Variants in PARD3B observed in about 807,000 individuals in gnomAD.
The protein encoded by PARD3B is partitioning defective 3 homolog B.
In PARD3B, 103 loss-of-function variants were observed where a neutral mutation model predicts 130.2. That is an observed-to-expected ratio of 0.79 (90% CI 0.67 to 0.93). PARD3B has a LOEUF of 0.93. Among genes scored for constraint, PARD3B ranks in the 40% least tolerant of loss-of-function variants. The pLI, the probability that PARD3B is intolerant of heterozygous loss-of-function variation, is 0.00. For synonymous variants in PARD3B, 583 were observed against 553.2 expected, an observed-to-expected ratio of 1.05 and a Z score of -0.76; for missense variants, 1,609 against 1,499.2, an observed-to-expected ratio of 1.07 and a Z score of -1.21.
intron 16 of PARD3B, among the ~76,000 whole-genome samples, chr2:205,246,603 A>G (rs2039583610): frequency 6.6e-6 from 1 of 152,220 alleles, no homozygotes; most frequent in African/African-American, 2.4e-5. Flanking sequence ...TCTAAACAAC[A>G]GAAGGATTAT....
intron 3 of PARD3B, among the ~76,000 whole-genome samples, chr2:205,028,965 T>A (rs1697231281): frequency 6.6e-6 from 1 of 152,114 alleles, no homozygotes; most frequent in Admixed American, 6.6e-5. Flanking sequence ...TGGGAATAGA[T>A]TGTAATCTGG....
At chr2:204,927,247 T>G (rs1687688950) in intron 2 of PARD3B, among the ~76,000 whole-genome samples, 2 of 152,034 alleles carry the variant, frequency 1.3e-5, no homozygotes, top group African/African-American at 4.8e-5. Context: ...CCTAAGGTGT[T>G]AGTATTAAGA....
At chr2:205,217,738 ATATG>A (rs2037992672) in intron 15 of PARD3B, among the ~76,000 whole-genome samples, 1 of 150,092 alleles carries the variant, frequency 6.7e-6, no homozygotes, top group African/African-American at 2.4e-5. Context: ...ATATACACAT[ATATG>A]TATGTGTGTA....
At chr2:204,744,918 G>C (rs1051429408) in intron 2 of PARD3B, among the ~76,000 whole-genome samples, 1 of 152,138 alleles carries the variant, frequency 6.6e-6, no homozygotes, top group African/African-American at 2.4e-5. Context: ...ATTGAGTGGG[G>C]CTGTCCAGTC....
chr2:205,359,864 C>G (rs535003796), intron 18 of PARD3B, among the ~76,000 whole-genome samples: 1 of 152,244 alleles, frequency 6.6e-6, no homozygotes, highest in African/African-American at 2.4e-5. Context: ...GGAAATTTCT[C>G]TGGCTTGGAA....
intron 2 of PARD3B, among the ~76,000 whole-genome samples, chr2:204,848,006 A>G (rs992726634): frequency 1.3e-5 from 2 of 152,194 alleles, no homozygotes; most frequent in South Asian, 2.1e-4. Context: ...TAGGTATTCT[A>G]TCATTTCACA....
chr2:205,218,213 C>T (rs556257541), intron 15 of PARD3B, among the ~76,000 whole-genome samples: 2 of 151,978 alleles, frequency 1.3e-5, no homozygotes, highest in African/African-American at 4.8e-5. Context: ...TTTTTATGTC[C>T]TAAATTGTTG....
At chr2:204,591,926 A>C (rs2125094815) in intron 1 of PARD3B, among the ~76,000 whole-genome samples, 1 of 152,342 alleles carries the variant, frequency 6.6e-6, no homozygotes, top group South Asian at 2.1e-4. Flanking sequence ...TGTTTCCTTA[A>C]CTTTTTAGTG....
intron 3 of PARD3B, among the ~76,000 whole-genome samples, chr2:205,029,615 T>C (rs1697285516): frequency 6.6e-6 from 1 of 152,218 alleles, no homozygotes; most frequent in African/African-American, 2.4e-5. Context: ...CCTACAGCGC[T>C]TTCCAGTGAC....
rs570385453 is a variant in PARD3B, at chr2:205,051,010, A to G, written c.504+3320A>G. 2.6e-4 allele frequency among the ~76,000 whole-genome samples: 39 copies of G among 152,268 alleles called. 2 individuals carry two copies. In the South Asian group the frequency reaches 7.5e-3, roughly 29 times the overall value. On this transcript the variant is annotated intron_variant, in intron 4 of 22. Coordinates refer to ENST00000406610, the MANE Select transcript of PARD3B (RefSeq NM_001302769.2). Reference sequence around the variant, plus strand: ...TGATAAATTACGTGGCACCCTGCATATAGCCCTACGCTCACTTTTATTGTT... The same window carrying G: ...TGATAAATTACGTGGCACCCTGCATGTAGCCCTACGCTCACTTTTATTGTT...
intron 15 of PARD3B, among the ~76,000 whole-genome samples, chr2:205,198,177 A>C (rs72936153): frequency 0.053 from 8,083 of 152,256 alleles, 302 homozygotes; most frequent in East Asian, 0.19. Flanking sequence ...AGAGTTTTCT[A>C]TCCTGTTTCA....
intron 3 of PARD3B, among the ~76,000 whole-genome samples, chr2:205,038,211 T>TA (rs1559377883): frequency 1.3e-5 from 2 of 152,094 alleles, no homozygotes; most frequent in Admixed American, 1.3e-4. Flanking sequence ...GAACAAGAAA[T>TA]TGGGAGGTTG....
chr2:205,169,142 C>A (rs1175484244), intron 11 of PARD3B, among the ~76,000 whole-genome samples: 4 of 152,146 alleles, frequency 2.6e-5, no homozygotes, highest in Non-Finnish European at 1.5e-5. Context: ...ACTGGCATCG[C>A]CATTAATGAA....
chr2:204,791,780 A>C (rs1446228991), intron 2 of PARD3B, among the ~76,000 whole-genome samples: 1 of 152,342 alleles, frequency 6.6e-6, no homozygotes, highest in East Asian at 1.9e-4. Context: ...CCTTGTCTAC[A>C]TACCTATTAT....
intron 2 of PARD3B, among the ~76,000 whole-genome samples, chr2:204,935,488 A>C (rs7560122): frequency 0.34 from 50,934 of 150,338 alleles, 9,789 homozygotes; most frequent in African/African-American, 0.48. Flanking sequence ...GCAGTGAGCC[A>C]AGATGGCGCC....
chr2:204,927,315 A>T (rs1687696102), intron 2 of PARD3B, among the ~76,000 whole-genome samples: 1 of 152,098 alleles, frequency 6.6e-6, no homozygotes, highest in African/African-American at 2.4e-5. Context: ...GAATAGGATT[A>T]GTGCCCTTAT....
chr2:204,694,783 T>A (rs1050604013), intron 2 of PARD3B, among the ~76,000 whole-genome samples: 1 of 152,020 alleles, frequency 6.6e-6, no homozygotes, highest in African/African-American at 2.4e-5. Context: ...ACAACTATAG[T>A]GTGTATGGGT....
At chr2:205,346,228 A>C (rs1418750340) in intron 18 of PARD3B, among the ~76,000 whole-genome samples, 1 of 151,636 alleles carries the variant, frequency 6.6e-6, no homozygotes, top group African/African-American at 2.4e-5. Flanking sequence ...AATTTCATAT[A>C]AATGCAGATT....
In PARD3B at chr2:205,057,283, A is replaced by G. The variant is rs566118310; in HGVS notation, c.504+9593A>G. On this transcript the variant is annotated intron_variant, in intron 4 of 22. Transcript: ENST00000406610. ...TATATGTTATATGTATGTTATATACATATACATATATACATGTATGTATTC... is the reference window on the plus strand; with the variant it reads ...TATATGTTATATGTATGTTATATACGTATACATATATACATGTATGTATTC... 7.4e-5 allele frequency among the ~76,000 whole-genome samples: 11 copies of G among 149,424 alleles called. No homozygotes were observed. The East Asian group carries it at 2.0e-3, about 27-fold the overall frequency.
Sources: allele counts gnomAD v4.1 joint callset (sites outside exome capture counted in the v4.1 genomes callset), GRCh38; gene constraint gnomAD v4.1.1; transcripts MANE v1.5; gene names NCBI Gene and HGNC (gene_info 2026-07-23, HGNC 2026-07-21).